Variants in OSBPL3 observed in about 807,000 individuals in gnomAD.
The protein encoded by OSBPL3 is oxysterol binding protein like 3, also known as oxysterol-binding protein-related protein 3.
Under a neutral mutation model 120.1 loss-of-function variants are expected in OSBPL3, and 65 were observed. The ratio of observed to expected loss-of-function variants is 0.54; its 90% CI spans 0.44 to 0.67. OSBPL3 has a LOEUF of 0.67. Ranked by LOEUF, OSBPL3 falls within the 30% of genes least tolerant of loss-of-function variation. The probability of loss-of-function intolerance (pLI) is 0.00; values close to 1 mark genes in which losing one functional copy is unlikely to be tolerated. For synonymous variants in OSBPL3, 416 were observed against 402.6 expected, an observed-to-expected ratio of 1.03 and a Z score of -0.40; for missense variants, 1,004 against 1,082.1, an observed-to-expected ratio of 0.93 and a Z score of 1.01.
In OSBPL3 at chr7:24,936,501, T is replaced by C. The variant is rs1812440908; in HGVS notation, c.-150+43385A>G. 6.6e-6 allele frequency among the ~76,000 whole-genome samples: 1 copy of C among 152,168 alleles called. No homozygotes were observed. Among genetic ancestry groups the C allele is most frequent in the Admixed American group, 6.5e-5 (1 of 15,284 alleles). On this transcript the variant is annotated intron_variant, in intron 1 of 22. Coordinates refer to ENST00000313367, the MANE Select transcript of OSBPL3 (RefSeq NM_015550.4). The surrounding 1 kb of genome is among the most constrained non-coding windows in gnomAD (Gnocchi z 4.2). Reference sequence around the variant, plus strand: ...ATGAGAATAAAGTCCTGGGAGTATATGGAGAAGTAAACAGCCAATTCTGTC... The same window carrying C: ...ATGAGAATAAAGTCCTGGGAGTATACGGAGAAGTAAACAGCCAATTCTGTC...
At position 24,912,461 on chromosome 7, in the gene OSBPL3, C is replaced by T. The variant is rs1188860025; in HGVS notation, c.-149-19840G>A. Among the ~76,000 whole-genome samples the T allele has an allele frequency of 6.6e-6, 1 of 152,124 alleles. No individual in the cohort carries two copies. Among genetic ancestry groups the T allele is most frequent in the Non-Finnish European group, 1.5e-5 (1 of 68,030 alleles). Reference sequence around the variant, plus strand: ...ACATCCATTGATTTAGGGAGTTTAGCACATTAAGGGCATTCTAATAAACCA... The same window carrying T: ...ACATCCATTGATTTAGGGAGTTTAGTACATTAAGGGCATTCTAATAAACCA... On this transcript the variant is annotated intron_variant, in intron 1 of 22. Transcript: ENST00000313367. This position sits in a 1 kb window ranked among gnomAD's most constrained non-coding sequence, Gnocchi z 4.5.
chr7:24,942,397 G>A (rs984699527), intron 1 of OSBPL3, among the ~76,000 whole-genome samples: 3 of 152,122 alleles, frequency 2.0e-5, no homozygotes, highest in African/African-American at 7.2e-5. Flanking sequence ...ATGTCTGTCT[G>A]GTGCCTTTCC....
intron 1 of OSBPL3, among the ~76,000 whole-genome samples, chr7:24,979,407 G>A (rs928758544): frequency 1.3e-5 from 2 of 152,178 alleles, no homozygotes; most frequent in African/African-American, 4.8e-5. Context: ...CCGGGGTTGG[G>A]AAGGCGGGCG....
chr7:24,847,169 T>C (rs1200372975), intron 12 of OSBPL3, among the ~76,000 whole-genome samples: 1 of 152,054 alleles, frequency 6.6e-6, no homozygotes, highest in African/African-American at 2.4e-5. Flanking sequence ...GAGACTGTCA[T>C]TTCCCAATAG....
chr7:24,964,687 T>C lies in OSBPL3; in HGVS notation c.-150+15199A>G, dbSNP rs1014204965. Among the ~76,000 whole-genome samples the C allele has an allele frequency of 3.3e-5, 5 of 152,232 alleles. No individual in the cohort carries two copies. Among genetic ancestry groups the C allele is most frequent in the African/African-American group, 1.2e-4 (5 of 41,456 alleles). On this transcript the variant is annotated intron_variant, in intron 1 of 22. Transcript: ENST00000313367. This position sits in a 1 kb window ranked among gnomAD's most constrained non-coding sequence, Gnocchi z 4.2. ...AAGCTAAGGAAATCTGAATGAAGTA[T>C]AGATTTTAGTTATTAATACTGCAAC...
At chr7:24,901,964 T>G (rs1158539936) in intron 1 of OSBPL3, among the ~76,000 whole-genome samples, 1 of 152,220 alleles carries the variant, frequency 6.6e-6, no homozygotes, top group Admixed American at 6.5e-5. Flanking sequence ...GGAAATTTTG[T>G]AGAGCAGTAA....
intron 13 of OSBPL3, among the ~76,000 whole-genome samples, chr7:24,841,806 G>C (rs1485115375): frequency 2.0e-5 from 3 of 150,874 alleles, no homozygotes; most frequent in Non-Finnish European, 4.4e-5. Context: ...AGGAGTACGA[G>C]TTTGAGACCA....
chr7:24,835,604 G>A lies in OSBPL3; in HGVS notation c.1496-868C>T, dbSNP rs369166857. On this transcript the variant is annotated intron_variant, in intron 14 of 22. Transcript: ENST00000313367. This position sits in a 1 kb window ranked among gnomAD's most constrained non-coding sequence, Gnocchi z 4.8. ...ATATATATTGTTCTACCATAAAGAC[G>A]CATGCACGTGTATGTTTATCACAGC... Among the ~76,000 whole-genome samples the A allele has an allele frequency of 4.5e-4, 69 of 152,048 alleles. No homozygotes were observed. Among genetic ancestry groups the A allele is most frequent in the African/African-American group, 1.6e-3 (65 of 41,474 alleles).
intron 19 of OSBPL3, among the ~76,000 whole-genome samples, chr7:24,811,957 A>C (rs1793856105): frequency 6.6e-6 from 1 of 152,214 alleles, no homozygotes; most frequent in African/African-American, 2.4e-5. Context: ...AACTCAACTA[A>C]TATTTGTGTA....
Position 24,979,893 on chromosome 7 carries a change from C to A in OSBPL3, c.-157G>T. 1.0e-6 allele frequency: 1 copy of A among 983,942 alleles called. No individual in the cohort carries two copies. The highest frequency in any genetic ancestry group is 1.2e-6 in the Non-Finnish European group (1 of 829,440). 61.0% of individuals were successfully genotyped at this position (983,942 alleles called of 1,614,324 possible). ...GGGCGCCCCGCCACTCACCTGAGCG[C>A]TGTGCAGCCGGAGACGCTCCCTAGT... On this transcript the variant is annotated 5_prime_UTR_variant, in exon 1 of 23. Transcript: ENST00000313367.
chr7:24,910,278 C>T (rs2128415154), intron 1 of OSBPL3, among the ~76,000 whole-genome samples: 1 of 152,274 alleles, frequency 6.6e-6, no homozygotes, highest in South Asian at 2.1e-4. Flanking sequence ...AGAGTCACTA[C>T]AGATCAGGAT....
intron 13 of OSBPL3, among the ~76,000 whole-genome samples, chr7:24,841,718 A>AG: frequency 4.0e-5 from 3 of 74,548 alleles, no homozygotes; most frequent in African/African-American, 2.1e-4. Context: ...AAAAAAAAAA[A>AG]AAAGAGGCCA....
chr7:24,980,193 G>C (rs370173311), upstream of OSBPL3: 36 of 341,764 alleles, frequency 1.1e-4, 4 homozygotes, highest in South Asian at 1.2e-3. Context: ...CGCGCCGCCC[G>C]GCGATTAGCC....
chr7:24,820,288 C>T lies in OSBPL3; in HGVS notation c.1885-50G>A. 6 of 1,360,068 alleles carry T rather than the reference C, an allele frequency of 4.4e-6. No homozygotes were observed. The highest frequency in any genetic ancestry group is 5.2e-6 in the Non-Finnish European group (5 of 957,288). 84.3% of individuals were successfully genotyped at this position (1,360,068 alleles called of 1,614,324 possible). On this transcript the variant is annotated intron_variant, in intron 16 of 22. Coordinates refer to ENST00000313367, the MANE Select transcript of OSBPL3 (RefSeq NM_015550.4). This position sits in a 1 kb window ranked among gnomAD's most constrained non-coding sequence, Gnocchi z 4.6. The stretch of plus-strand genomic sequence containing the variant: ...ACAAAAAATGAATGAACTTTTGTGT[C>T]TCATGAAATCCATTCTTTCTCCCCT...
rs1792932121 is a variant in OSBPL3 at position 24,805,619 on chromosome 7, C to T, written c.2444+1157G>A. On this transcript the variant is annotated intron_variant, in intron 21 of 22. Coordinates refer to ENST00000313367, the MANE Select transcript of OSBPL3 (RefSeq NM_015550.4). This position sits in a 1 kb window ranked among gnomAD's most constrained non-coding sequence, Gnocchi z 4.0. The stretch of plus-strand genomic sequence containing the variant: ...AAAAAAGTAGACAAACTGCACGAAA[C>T]AGTACAAGCATAATGTGCATAGCAA... 6.6e-6 allele frequency among the ~76,000 whole-genome samples: 1 copy of T among 152,100 alleles called. No individual in the cohort carries two copies. The highest frequency in any genetic ancestry group is 2.4e-5 in the African/African-American group (1 of 41,406).
intron 1 of OSBPL3, among the ~76,000 whole-genome samples, chr7:24,920,950 T>G (rs1190114642): frequency 6.6e-6 from 1 of 152,196 alleles, no homozygotes; most frequent in African/African-American, 2.4e-5. Context: ...GAGAGGTTGT[T>G]GACAATTATA....
At chr7:24,841,645 A>G (rs1797757759) in intron 13 of OSBPL3, among the ~76,000 whole-genome samples, 1 of 145,524 alleles carries the variant, frequency 6.9e-6, no homozygotes, top group Non-Finnish European at 1.5e-5. Flanking sequence ...CAGTGAGCAG[A>G]TATCACACCA....
intron 2 of OSBPL3, among the ~76,000 whole-genome samples, chr7:24,888,347 A>C (rs1486569325): frequency 3.3e-5 from 5 of 152,236 alleles, no homozygotes; most frequent in Non-Finnish European, 7.3e-5. Context: ...AACTATTATT[A>C]TTCCAATTTT....
At chr7:24,875,247 T>C (rs1159363957) in intron 2 of OSBPL3, among the ~76,000 whole-genome samples, 1 of 152,224 alleles carries the variant, frequency 6.6e-6, no homozygotes, top group Non-Finnish European at 1.5e-5. Context: ...GAGGGAAGAC[T>C]GTATTTTGTT....
Sources: allele counts gnomAD v4.1 joint callset (sites outside exome capture counted in the v4.1 genomes callset), GRCh38; gene constraint gnomAD v4.1.1; non-coding constraint Gnocchi (gnomAD v3.1); transcripts MANE v1.5; gene names NCBI Gene and HGNC (gene_info 2026-07-23, HGNC 2026-07-21).